BRAT1: variants seen among roughly 807,000 people sequenced by gnomAD.
BRAT1 encodes BRCA1 associated ATM activator 1, also known as integrator complex assembly factor BRAT1.
BRAT1 carries 74 observed loss-of-function variants against 70.6 expected under a neutral mutation model. That is an observed-to-expected ratio of 1.05 (90% confidence interval 0.87 to 1.27). The LOEUF (loss-of-function observed/expected upper bound fraction) is 1.27. Among genes scored for constraint, BRAT1 ranks in the 50% most tolerant of loss-of-function variants. The probability of loss-of-function intolerance (pLI) is 0.00; values close to 1 mark genes in which losing one functional copy is unlikely to be tolerated. For synonymous variants in BRAT1, 615 were observed against 517.1 expected, an observed-to-expected ratio of 1.19 and a Z score of -2.57; for missense variants, 1,203 against 1,098.2, an observed-to-expected ratio of 1.10 and a Z score of -1.35.
intron 2 of BRAT1, among the ~76,000 whole-genome samples, chr7:2,550,627 A>G (rs746615799): frequency 6.6e-6 from 1 of 152,022 alleles, no homozygotes; most frequent in Non-Finnish European, 1.5e-5. Context: ...CAAACAAATT[A>G]GCAAGAACAT....
In BRAT1 at chr7:2,538,314, C is replaced by T; in HGVS notation, c.2221G>A (p.Gly741Ser). Residue 741 changes from glycine to serine, a missense_variant, in exon 14 of 14, where the codon GGC becomes AGC. Coordinates refer to ENST00000340611, the MANE Select transcript of BRAT1 (RefSeq NM_152743.4). ...TCTGCGGAGGCAGTGTTGGGGCTGC[C>T]CCTGGCCTCCCGCAGGCTGCTGTAG... is the stretch of plus-strand genomic sequence containing the variant. The part of the protein sequence containing the change: ...ASYSSLREAR[G>S]SPNTASAEAT... The T allele has an allele frequency of 6.2e-7, 1 of 1,612,974 alleles. No homozygotes were observed. The highest frequency in any genetic ancestry group is 8.5e-7 in the Non-Finnish European group (1 of 1,179,894).
At chr7:2,555,249 C>A (rs1022249014) in intron 1 of BRAT1, among the ~76,000 whole-genome samples, 2 of 152,172 alleles carry the variant, frequency 1.3e-5, no homozygotes, top group Middle Eastern at 3.4e-3. Context: ...GGGAAGGCTG[C>A]GTCCCGGGAA....
In BRAT1 at chr7:2,554,425, G is replaced by T. The variant is rs1780260621; in HGVS notation, c.7C>A (p.Pro3Thr). 6.2e-7 allele frequency: 1 copy of T among 1,613,168 alleles called. No individual in the cohort carries two copies. The highest frequency in any genetic ancestry group is 1.3e-5 in the African/African-American group (1 of 74,936). The part of the protein sequence containing the change: MD[P>T]ECAQLLPALC... ...GCCGGGAGCAGCTGGGCGCATTCTG[G>T]GTCCATGGTGAGGCCGCAGGCCCTG... is the stretch of plus-strand genomic sequence containing the variant. The change falls in exon 2 of 14, where the codon CCA becomes ACA. Residue 3 changes from proline to threonine, a missense_variant. Transcript: ENST00000340611.
Position 2,541,706 on chromosome 7 carries a change from G to C in BRAT1, c.1134+12C>G. ...ATGCTGCTGGGCTGCATGAGGACCG[G>C]GCCGCACCTACCAGCGGCTGCAGCT... On this transcript the variant is annotated intron_variant, in intron 8 of 13. Transcript: ENST00000340611. The C allele has an allele frequency of 6.2e-7, 1 of 1,600,914 alleles. No individual in the cohort carries two copies. Among genetic ancestry groups the C allele is most frequent in the Non-Finnish European group, 8.5e-7 (1 of 1,175,348 alleles).
chr7:2,545,917 C>T (rs1458106998), intron 3 of BRAT1, among the ~76,000 whole-genome samples: 1 of 152,230 alleles, frequency 6.6e-6, no homozygotes, highest in Non-Finnish European at 1.5e-5. Flanking sequence ...GCTAGGGAGC[C>T]TGCAGCTGCT....
chr7:2,541,974 G>T, intron 7 of BRAT1, 138 bp from the exon 8 acceptor site: 1 of 1,187,722 alleles, frequency 8.4e-7, no homozygotes, highest in Non-Finnish European at 1.2e-6. Context: ...AGATGGCCAT[G>T]TCCCCGGTCC....
At position 2,537,870 on chromosome 7, in the gene BRAT1, C is replaced by G; in HGVS notation, c.*199G>C. 1 of 853,912 alleles carries G rather than the reference C, an allele frequency of 1.2e-6. No individual in the cohort carries two copies. The highest frequency in any genetic ancestry group is 3.5e-5 in the South Asian group (1 of 28,206). 52.9% of individuals were successfully genotyped at this position (853,912 alleles called of 1,614,324 possible). A position where few individuals can be genotyped will look rare whatever the true frequency, so the allele number is the denominator to read the frequency against. On this transcript the variant is annotated 3_prime_UTR_variant, in exon 14 of 14. Coordinates refer to ENST00000340611, the MANE Select transcript of BRAT1 (RefSeq NM_152743.4). Reference sequence around the variant, plus strand: ...AAAGGGTTAAAGAAAGACTTCAATGCCATTTATTTTGAGTAGAAATAAGTC... The same window carrying G: ...AAAGGGTTAAAGAAAGACTTCAATGGCATTTATTTTGAGTAGAAATAAGTC...
chr7:2,553,383 G>A (rs1341344259), intron 2 of BRAT1, among the ~76,000 whole-genome samples: 5 of 152,258 alleles, frequency 3.3e-5, no homozygotes, highest in African/African-American at 9.6e-5. Flanking sequence ...TCTGACAGTG[G>A]AGTGATTCAA....
Position 2,541,676 on chromosome 7 carries a change from C to T in BRAT1, c.1134+42G>A, listed in dbSNP as rs763173959. Reference sequence around the variant, plus strand: ...GCCTACGTTGCGGTCCCACCGCCAGCGTGGATGCTGCTGGGCTGCATGAGG... The same window carrying T: ...GCCTACGTTGCGGTCCCACCGCCAGTGTGGATGCTGCTGGGCTGCATGAGG... On this transcript the variant is annotated intron_variant, in intron 8 of 13. Coordinates refer to ENST00000340611, the MANE Select transcript of BRAT1 (RefSeq NM_152743.4). The T allele has an allele frequency of 1.4e-5, 22 of 1,568,464 alleles. No individual in the cohort carries two copies. The East Asian group carries it at 2.5e-4, about 18-fold the overall frequency.
chr7:2,551,529 G>T (rs904022198), intron 2 of BRAT1, among the ~76,000 whole-genome samples: 2 of 150,372 alleles, frequency 1.3e-5, no homozygotes, highest in African/African-American at 4.9e-5. Flanking sequence ...CATCTCTATG[G>T]GAAAAAAAAA....
intron 2 of BRAT1, among the ~76,000 whole-genome samples, chr7:2,552,957 G>A (rs2128413659): frequency 6.6e-6 from 1 of 151,710 alleles, no homozygotes; most frequent in South Asian, 2.1e-4. Context: ...TGTTAGCCAG[G>A]AGGGTCTTGA....
chr7:2,541,131 C>A, intron 9 of BRAT1, 79 bp from the exon 10 acceptor site: 2 of 1,431,946 alleles, frequency 1.4e-6, no homozygotes, highest in South Asian at 1.4e-5. Flanking sequence ...AGGAGCAGAA[C>A]AAGGCCTCAT....
rs750543404 is a variant in BRAT1, at chr7:2,544,993, C to T, written c.346G>A (p.Val116Ile). 3.0e-5 allele frequency: 47 copies of T among 1,563,708 alleles called. No homozygotes were observed. Among genetic ancestry groups the T allele is most frequent in the South Asian group, 1.8e-4 (15 of 85,170 alleles). The change falls in exon 4 of 14, where the codon GTC (valine) becomes ATC (isoleucine). Residue 116 changes from valine to isoleucine, a missense_variant. Val to Ile is a conservative substitution (Grantham distance 29). Transcript: ENST00000340611. ...PGPLGRATWA[V>I]PTVRSGWIQG... ...ATCCAGCCGCTGCGCACGGTGGGGA[C>T]GGCCCAGGTTGCTCGGCCGAGGGGT... is the stretch of plus-strand genomic sequence containing the variant.
chr7:2,545,200 C>A, intron 3 of BRAT1, 144 bp from the exon 4 acceptor site: 1 of 947,434 alleles, frequency 1.1e-6, no homozygotes, highest in Non-Finnish European at 1.5e-6. Context: ...CCCATCTCTA[C>A]TAGAAATACA....
intron 2 of BRAT1, among the ~76,000 whole-genome samples, chr7:2,550,336 C>T (rs1481827892): frequency 3.3e-5 from 5 of 150,748 alleles, no homozygotes; most frequent in Non-Finnish European, 5.9e-5. Context: ...GGCGTGGTGG[C>T]GGGCTCCTGT....
rs1425803261 is a variant in BRAT1 at position 2,543,990 on chromosome 7, A to C, written c.431-28T>G. 5 of 1,519,920 alleles carry C rather than the reference A, an allele frequency of 3.3e-6. No individual in the cohort carries two copies. The highest frequency in any genetic ancestry group is 4.4e-6 in the Non-Finnish European group (5 of 1,127,658). 94.2% of individuals were successfully genotyped at this position (1,519,920 alleles called of 1,614,324 possible). On this transcript the variant is annotated intron_variant, in intron 4 of 13. Transcript: ENST00000340611. This position sits in a 1 kb window ranked among gnomAD's most constrained non-coding sequence, Gnocchi z 5.5. The stretch of plus-strand genomic sequence containing the variant: ...GGGTAGGGGATGGGGGAAGAGAGGG[A>C]AAAGGGGGTGAGCCAGAATAGAGCT...
intron 2 of BRAT1, among the ~76,000 whole-genome samples, chr7:2,548,540 T>A (rs886285057): frequency 6.0e-5 from 9 of 151,228 alleles, no homozygotes; most frequent in African/African-American, 2.2e-4. Flanking sequence ...GTGGCACACA[T>A]CTGCAGTCCC....
intron 2 of BRAT1, among the ~76,000 whole-genome samples, chr7:2,552,611 G>T (rs993818781): frequency 1.3e-5 from 2 of 151,536 alleles, no homozygotes; most frequent in African/African-American, 4.9e-5. Context: ...AAAGAACACG[G>T]TAAACCAAAA....
chr7:2,554,940 G>C (rs1780305551), intron 1 of BRAT1, among the ~76,000 whole-genome samples: 1 of 151,926 alleles, frequency 6.6e-6, no homozygotes, highest in Admixed American at 6.6e-5. Context: ...GGGGTGCGGA[G>C]GGGAAGGGGC....
Sources: gnomAD v4.1 joint callset for allele counts (sites outside exome capture counted in the v4.1 genomes callset) on GRCh38, gnomAD v4.1.1 for gene constraint, Gnocchi (gnomAD v3.1) non-coding constraint, MANE v1.5 for transcripts, NCBI Gene and HGNC (gene_info 2026-07-23, HGNC 2026-07-21) for gene names.